Variants in MAST4 observed in about 807,000 individuals in gnomAD.
The protein encoded by MAST4 is microtubule-associated serine/threonine-protein kinase 4.
In MAST4, 89 loss-of-function variants were observed where a neutral mutation model predicts 162.7. That is an observed-to-expected ratio of 0.55 (90% confidence interval 0.46 to 0.65). The LOEUF (loss-of-function observed/expected upper bound fraction) is 0.65. MAST4 is among the 30% of genes least tolerant of loss of function. MAST4 has a pLI of 0.00. For synonymous variants in MAST4, 1,479 were observed against 1,361.1 expected, an observed-to-expected ratio of 1.09 and a Z score of -1.91; for missense variants, 3,153 against 3,374.0, an observed-to-expected ratio of 0.93 and a Z score of 1.62.
rs375826012 is a variant in MAST4, at chr5:66,852,337, G to A, written c.643-47614G>A. On this transcript the variant is annotated intron_variant, in intron 3 of 28. Coordinates refer to ENST00000403625, the MANE Select transcript of MAST4 (RefSeq NM_001164664.2). ...TTTTTGTACTTTTTGTTGAGACGGG[G>A]TTTTGCCATGTTGCCCAGGGTGGTC... is the stretch of plus-strand genomic sequence containing the variant. 3.9e-5 allele frequency among the ~76,000 whole-genome samples: 6 copies of A among 152,202 alleles called. No homozygotes were observed. In the East Asian group the frequency reaches 9.7e-4, roughly 24 times the overall value.
At chr5:66,641,185 C>G (rs912028827) in intron 1 of MAST4, among the ~76,000 whole-genome samples, 1 of 152,048 alleles carries the variant, frequency 6.6e-6, no homozygotes, top group Non-Finnish European at 1.5e-5. Flanking sequence ...GAGACAGGGT[C>G]TCTGTCACCC....
At chr5:67,039,979 A>ATG (rs1491309673) in intron 4 of MAST4, among the ~76,000 whole-genome samples, 21 of 137,424 alleles carry the variant, frequency 1.5e-4, no homozygotes, top group South Asian at 6.8e-4. Context: ...ATATATATAT[A>ATG]TGTGTGTGTA....
intron 4 of MAST4, among the ~76,000 whole-genome samples, chr5:66,941,683 C>T (rs533047266): frequency 1.1e-4 from 16 of 152,276 alleles, no homozygotes; most frequent in South Asian, 8.3e-4. Flanking sequence ...TTTACAACTT[C>T]GCTACCTGTT....
In MAST4 at chr5:67,165,563, G is replaced by C. The variant is rs77191584; in HGVS notation, c.6384G>C (p.Arg2128Ser). ...EPERKEQPLQ[R>S]HPSSIPPPPL... Reference sequence around the variant, plus strand: ...AAAGGAAGGAGCAGCCTCTACAAAGGCATCCCAGCAGCATCCCTCCGCCCC... The same window carrying C: ...AAAGGAAGGAGCAGCCTCTACAAAGCCATCCCAGCAGCATCCCTCCGCCCC... The change falls in exon 29 of 29, where the codon AGG becomes AGC. Residue 2128 changes from arginine to serine, a missense_variant. Around this residue, in one of 7 missense-constraint regions of MAST4, gnomAD observed 1,644 missense variants for 1,495.0 expected, o/e 1.10. Coordinates refer to ENST00000403625, the MANE Select transcript of MAST4 (RefSeq NM_001164664.2). 1,699 of 1,613,936 alleles carry C rather than the reference G, an allele frequency of 1.1e-3. 14 individuals are homozygous for C. The African/African-American group carries it at 0.02, about 19-fold the overall frequency.
chr5:67,133,198 A>T (rs1449385029), intron 16 of MAST4, among the ~76,000 whole-genome samples: 1 of 151,990 alleles, frequency 6.6e-6, no homozygotes, highest in Non-Finnish European at 1.5e-5. Context: ...TTATTGTGAA[A>T]ATGGAAAGGG....
chr5:66,783,268 C>T (rs1754961976), intron 2 of MAST4: 1 of 152,184 alleles, frequency 6.6e-6, no homozygotes, highest in Middle Eastern at 3.4e-3. Flanking sequence ...TGTTGGGTAG[C>T]TCTTGGTGTT....
At chr5:66,732,422 C>T (rs1176112595) in intron 1 of MAST4, among the ~76,000 whole-genome samples, 1 of 152,148 alleles carries the variant, frequency 6.6e-6, no homozygotes, top group Admixed American at 6.5e-5. Flanking sequence ...CTTAACATTG[C>T]CTCTTCTTCC....
intron 1 of MAST4, among the ~76,000 whole-genome samples, chr5:66,654,029 C>T (rs750075255): frequency 5.3e-5 from 8 of 152,280 alleles, no homozygotes; most frequent in South Asian, 4.1e-4. Flanking sequence ...ATTCAGCCTC[C>T]ATTGTTAAAT....
chr5:67,153,378 C>G (rs1283939583), intron 25 of MAST4, 80 bp from the exon 26 acceptor site: 1 of 1,420,852 alleles, frequency 7.0e-7, no homozygotes, highest in Non-Finnish European at 9.4e-7. Context: ...CTAATTAACT[C>G]ATTATTCTCC....
In MAST4 at chr5:67,000,245, G is replaced by A. The variant is rs557433763; in HGVS notation, c.675-54159G>A. ...GGGCAAAATCCTTAGAATAGGCCAG[G>A]ATCAGGTAGAGTGCTTAGGAAATCT... On this transcript the variant is annotated intron_variant, in intron 4 of 28. Coordinates refer to ENST00000403625, the MANE Select transcript of MAST4 (RefSeq NM_001164664.2). 1.3e-4 allele frequency among the ~76,000 whole-genome samples: 20 copies of A among 152,318 alleles called. No homozygotes were observed. In the South Asian group the frequency reaches 4.1e-3, roughly 32 times the overall value.
At chr5:66,968,465 C>T (rs1747017108) in intron 4 of MAST4, among the ~76,000 whole-genome samples, 1 of 152,138 alleles carries the variant, frequency 6.6e-6, no homozygotes, top group African/African-American at 2.4e-5. Context: ...GGATATAGTA[C>T]TACTTCCAGA....
At chr5:66,738,098 G>A (rs1160284710) in intron 1 of MAST4, 2 of 152,172 alleles carry the variant, frequency 1.3e-5, no homozygotes, top group South Asian at 2.1e-4. Context: ...GTTGGGAAGG[G>A]TGATGACAAC....
At chr5:67,134,092 C>T (rs558086942) in intron 17 of MAST4, among the ~76,000 whole-genome samples, 4 of 152,138 alleles carry the variant, frequency 2.6e-5, no homozygotes, top group Non-Finnish European at 4.4e-5. Flanking sequence ...AAGGTAAACA[C>T]ATCTCAACTG....
In MAST4 at chr5:66,596,518, G is replaced by C. The variant is rs978268284; in HGVS notation, c.-138G>C. On this transcript the variant is annotated 5_prime_UTR_variant, in exon 1 of 29. It removes the in-frame stop codon of an upstream open reading frame in the 5' UTR. Coordinates refer to ENST00000403625, the MANE Select transcript of MAST4 (RefSeq NM_001164664.2). ...CCTGCGGCCCCGTCACTGCCATGTA[G>C]TCGCTGGCGGGGCTCCCTGCAGCCC... is the stretch of plus-strand genomic sequence containing the variant. The C allele has an allele frequency of 1.8e-6, 2 of 1,100,176 alleles. No individual in the cohort carries two copies. Among genetic ancestry groups the C allele is most frequent in the South Asian group, 6.3e-5 (2 of 31,534 alleles). 68.2% of individuals were successfully genotyped at this position (1,100,176 alleles called of 1,614,324 possible). A position where few individuals can be genotyped will look rare whatever the true frequency, so the allele number is the denominator to read the frequency against.
At chr5:66,606,602 A>G (rs1742899686) in intron 1 of MAST4, among the ~76,000 whole-genome samples, 1 of 152,158 alleles carries the variant, frequency 6.6e-6, no homozygotes, top group Non-Finnish European at 1.5e-5. Context: ...GGTTTTGCAT[A>G]TATGTTGTTA....
At chr5:66,716,713 G>T (rs1354465372) in intron 1 of MAST4, among the ~76,000 whole-genome samples, 1 of 152,036 alleles carries the variant, frequency 6.6e-6, no homozygotes, top group Non-Finnish European at 1.5e-5. Flanking sequence ...AAAATTCTTT[G>T]TAGACCATTT....
chr5:66,763,214 G>T (rs1177910363), intron 2 of MAST4, among the ~76,000 whole-genome samples: 1 of 152,184 alleles, frequency 6.6e-6, no homozygotes, highest in Non-Finnish European at 1.5e-5. Context: ...TCAGTACCTA[G>T]TAGGTTTTAA....
intron 3 of MAST4, among the ~76,000 whole-genome samples, chr5:66,858,993 G>T (rs1330799250): frequency 1.3e-5 from 2 of 151,734 alleles, no homozygotes; most frequent in Non-Finnish European, 2.9e-5. Flanking sequence ...ATTTATTTTT[G>T]TATATTGATC....
intron 4 of MAST4, among the ~76,000 whole-genome samples, chr5:67,034,402 G>A (rs1299944190): frequency 6.6e-6 from 1 of 152,128 alleles, no homozygotes; most frequent in East Asian, 1.9e-4. Flanking sequence ...AGGGGTAGGG[G>A]TTACGTAACA....
Sources: allele counts gnomAD v4.1 joint callset (sites outside exome capture counted in the v4.1 genomes callset), GRCh38; gene constraint gnomAD v4.1.1; regional missense constraint gnomAD v4.1.1; transcripts MANE v1.5; gene names NCBI Gene and HGNC (gene_info 2026-07-23, HGNC 2026-07-21).